The following PTK2 variants were observed in gnomAD, a reference collection of about 807,000 sequenced individuals.
PTK2 encodes the protein focal adhesion kinase 1.
A neutral mutation model predicts 150.1 loss-of-function variants in PTK2; 45 were observed. The ratio of observed to expected loss-of-function variants is 0.30; its 90% confidence interval spans 0.24 to 0.38. PTK2 has a LOEUF of 0.38. PTK2 is among the 10% of genes least tolerant of loss of function. The pLI, the probability that PTK2 is intolerant of heterozygous loss-of-function variation, is 1.00. For missense variants in PTK2, 919 were observed against 1,307.3 expected, an observed-to-expected ratio of 0.70 and a Z score of 4.58; for synonymous variants, 432 against 449.2, an observed-to-expected ratio of 0.96 and a Z score of 0.48.
chr8:140,970,626 G>A (rs1234314203), intron 1 of PTK2, among the ~76,000 whole-genome samples: 1 of 152,202 alleles, frequency 6.6e-6, no homozygotes, highest in African/African-American at 2.4e-5. Flanking sequence ...ACCACGACTT[G>A]TGCCATCATC....
rs1011915309 is a variant in PTK2 at position 140,661,360 on chromosome 8, C to T, written c.2947-1682G>A. Among the ~76,000 whole-genome samples, 5 of 152,154 alleles carry T rather than the reference C, an allele frequency of 3.3e-5. No individual in the cohort carries two copies. In the South Asian group the frequency reaches 8.3e-4, roughly 25 times the overall value. On this transcript the variant is annotated intron_variant, in intron 31 of 31. Transcript: ENST00000522684. ...AGGTGATGGTGGATGTGCAGGTGAA[C>T]GGACCAACCTGAGACCTGATGAGAG... is the stretch of plus-strand genomic sequence containing the variant.
chr8:140,793,274 G>A (rs2100089603), intron 13 of PTK2, 80 bp downstream of exon 13: 4 of 1,469,158 alleles, frequency 2.7e-6, no homozygotes, highest in Non-Finnish European at 3.7e-6. Context: ...ATTTTTTTAG[G>A]AAAATGAATA....
chr8:140,687,438 G>C (rs1367765336), intron 26 of PTK2, among the ~76,000 whole-genome samples: 2 of 152,276 alleles, frequency 1.3e-5, no homozygotes, highest in South Asian at 2.1e-4. Context: ...TCTTCAAGCA[G>C]AGCTGGTCGC....
At chr8:140,792,523 C>A (rs1331773102) in intron 13 of PTK2, among the ~76,000 whole-genome samples, 2 of 152,194 alleles carry the variant, frequency 1.3e-5, no homozygotes, top group East Asian at 3.8e-4. Flanking sequence ...TACATCATAG[C>A]TGAGTCCTGT....
chr8:140,703,343 T>C (rs548071037), intron 24 of PTK2, among the ~76,000 whole-genome samples: 3 of 152,292 alleles, frequency 2.0e-5, no homozygotes, highest in African/African-American at 7.2e-5. Flanking sequence ...AGGTGCCCTG[T>C]AGAAGCTGAT....
chr8:140,839,940 GA>G (rs1041873629), intron 7 of PTK2, among the ~76,000 whole-genome samples: 1 of 152,074 alleles, frequency 6.6e-6, no homozygotes, highest in African/African-American at 2.4e-5. Flanking sequence ...CAACCATAAA[GA>G]AATGTCAACA....
chr8:140,983,097 A>T (rs1193410668), intron 1 of PTK2, among the ~76,000 whole-genome samples: 2 of 152,178 alleles, frequency 1.3e-5, no homozygotes, highest in African/African-American at 4.8e-5. Context: ...TGCTTATTTT[A>T]AAATCTAGGC....
At chr8:140,924,763 T>C (rs1296908804) in intron 2 of PTK2, among the ~76,000 whole-genome samples, 1 of 152,198 alleles carries the variant, frequency 6.6e-6, no homozygotes, top group African/African-American at 2.4e-5. Flanking sequence ...AGGAAAATCA[T>C]GTAAACTGCT....
At chr8:140,746,892 CTTTT>C (rs369382658) in intron 17 of PTK2, 32 bp from the exon 21 acceptor site, 1,207 of 984,764 alleles carry the variant, frequency 1.2e-3, no homozygotes, top group East Asian at 1.6e-3. Context: ...GTTATTCTTT[CTTTT>C]TTTTTTTTTT....
chr8:140,987,060 TAAGAA>T (rs1263605122), intron 1 of PTK2, among the ~76,000 whole-genome samples: 1 of 151,936 alleles, frequency 6.6e-6, no homozygotes, highest in African/African-American at 2.4e-5. Context: ...AAGCCACTGT[TAAGAA>T]AATGAAAAAG....
intron 27 of PTK2, among the ~76,000 whole-genome samples, chr8:140,681,956 C>G (rs544389858): frequency 6.6e-6 from 1 of 152,110 alleles, no homozygotes; most frequent in African/African-American, 2.4e-5. Context: ...ACAAGCTTAG[C>G]GTTCCAATAA....
chr8:140,963,723 G>A (rs1240441061), intron 1 of PTK2, among the ~76,000 whole-genome samples: 1 of 152,166 alleles, frequency 6.6e-6, no homozygotes, highest in Admixed American at 6.5e-5. Flanking sequence ...TTTTCCAACT[G>A]TGTTCCCTAT....
intron 12 of PTK2, among the ~76,000 whole-genome samples, chr8:140,797,347 G>A (rs2100092271): frequency 1.3e-5 from 2 of 152,096 alleles, no homozygotes; most frequent in Non-Finnish European, 2.9e-5. Flanking sequence ...TATTATATGT[G>A]TCATAATATT....
chr8:140,795,248 C>T lies in PTK2; in HGVS notation c.1094-1864G>A, dbSNP rs570122501. Among the ~76,000 whole-genome samples, 6 of 152,248 alleles carry T rather than the reference C, an allele frequency of 3.9e-5. No individual in the cohort carries two copies. In the South Asian group the frequency reaches 1.2e-3, roughly 32 times the overall value. On this transcript the variant is annotated intron_variant, in intron 12 of 31. Coordinates refer to ENST00000522684, the Ensembl canonical transcript of PTK2. ...CTAGAACATAAACCAGATCACATTA[C>T]TCCTCTCTTCACACCCTCCAATGGC...
chr8:140,742,727 T>A (rs188137341), intron 20 of PTK2, among the ~76,000 whole-genome samples: 1 of 152,364 alleles, frequency 6.6e-6, no homozygotes, highest in East Asian at 1.9e-4. Context: ...TTACTAAGTT[T>A]TAAGAGTTCC....
At chr8:140,962,219 T>TA (rs60163670) in intron 1 of PTK2, among the ~76,000 whole-genome samples, 53,745 of 93,536 alleles carry the variant, frequency 0.57, 12,985 homozygotes, top group Middle Eastern at 0.66. Context: ...TCTCAAAATT[T>TA]AAAAAAAAAA....
intron 1 of PTK2, among the ~76,000 whole-genome samples, chr8:140,949,686 G>T (rs2100178855): frequency 6.6e-6 from 1 of 152,244 alleles, no homozygotes; most frequent in South Asian, 2.1e-4. Flanking sequence ...GGAGCTGAGG[G>T]TGGCTCAGTG....
Position 140,687,860 on chromosome 8 carries a change from G to A in PTK2, c.2500-1166C>T, listed in dbSNP as rs1590167037. 4.6e-5 allele frequency among the ~76,000 whole-genome samples: 7 copies of A among 152,244 alleles called. No individual in the cohort carries two copies. In the South Asian group the frequency reaches 1.4e-3, roughly 32 times the overall value. On this transcript the variant is annotated intron_variant, in intron 26 of 31. Transcript: ENST00000522684. Reference sequence around the variant, plus strand: ...GGTAAAAACAAACTTTCCAGGGCAGGGGCCCTGCACTGTCCTTTGCCTTCT... The same window carrying A: ...GGTAAAAACAAACTTTCCAGGGCAGAGGCCCTGCACTGTCCTTTGCCTTCT...
At chr8:140,850,439 C>T (rs900277987) in intron 5 of PTK2, among the ~76,000 whole-genome samples, 4 of 145,836 alleles carry the variant, frequency 2.7e-5, no homozygotes, top group Admixed American at 6.8e-5. Context: ...AAAAAAACTA[C>T]GACGGGCCAG....
Sources: gnomAD v4.1 joint callset for allele counts (sites outside exome capture counted in the v4.1 genomes callset) on GRCh38, gnomAD v4.1.1 for gene constraint, MANE v1.5 for transcripts, NCBI Gene and HGNC (gene_info 2026-07-23, HGNC 2026-07-21) for gene names.